GRID2: variants seen among roughly 807,000 people sequenced by gnomAD.
GRID2 encodes the protein glutamate ionotropic receptor delta type subunit 2, also known as glutamate receptor ionotropic, delta-2.
GRID2 carries 33 observed loss-of-function variants against 114.8 expected under a neutral mutation model. The observed-to-expected ratio is 0.29, with a 90% CI of 0.22 to 0.38. GRID2 has a LOEUF of 0.38. Among genes scored for constraint, GRID2 ranks in the 10% least tolerant of loss-of-function variants. The pLI is 1.00. For missense variants in GRID2, 1,184 were observed against 1,257.7 expected, an observed-to-expected ratio of 0.94 and a Z score of 0.89; for synonymous variants, 505 against 449.9, an observed-to-expected ratio of 1.12 and a Z score of -1.55.
At chr4:93,395,357 C>T (rs1479917506) in intron 8 of GRID2, among the ~76,000 whole-genome samples, 2 of 151,926 alleles carry the variant, frequency 1.3e-5, no homozygotes, top group Non-Finnish European at 2.9e-5. Context: ...CATAAGTCCT[C>T]ATTAAGTAAA....
intron 2 of GRID2, among the ~76,000 whole-genome samples, chr4:92,985,620 A>G (rs1754473482): frequency 6.6e-6 from 1 of 152,200 alleles, no homozygotes; most frequent in South Asian, 2.1e-4. Context: ...CATGACAAAA[A>G]AATGATTTAC....
chr4:93,522,850 T>A (rs542050680), intron 13 of GRID2, among the ~76,000 whole-genome samples: 1 of 152,154 alleles, frequency 6.6e-6, no homozygotes, highest in East Asian at 1.9e-4. Flanking sequence ...AAAGACAAAA[T>A]CTTTGGAGAA....
chr4:93,675,144 C>T (rs1368320096), intron 14 of GRID2, among the ~76,000 whole-genome samples: 1 of 152,066 alleles, frequency 6.6e-6, no homozygotes, highest in Non-Finnish European at 1.5e-5. Context: ...ATAACGTGAA[C>T]CTGTCATATA....
intron 2 of GRID2, among the ~76,000 whole-genome samples, chr4:93,011,785 A>G (rs1722198251): frequency 6.6e-6 from 1 of 152,096 alleles, no homozygotes; most frequent in East Asian, 1.9e-4. Flanking sequence ...GTTAATTATA[A>G]CTTCTGGAGC....
Position 93,002,855 on chromosome 4 carries a change from T to G in GRID2, c.245-82140T>G, listed in dbSNP as rs1377182703. Among the ~76,000 whole-genome samples the G allele has an allele frequency of 3.3e-5, 5 of 151,946 alleles. No individual in the cohort carries two copies. In the South Asian group the frequency reaches 8.3e-4, roughly 25 times the overall value. ...AACAGGGCTGGCTTCTTTTGGAGGC[T>G]GTAGGGGAGAATCCATTTCTTCATC... On this transcript the variant is annotated intron_variant, in intron 2 of 15. Transcript: ENST00000282020.
chr4:93,762,072 G>GT (rs1468707973), intron 14 of GRID2, among the ~76,000 whole-genome samples: 2 of 152,060 alleles, frequency 1.3e-5, no homozygotes, highest in African/African-American at 2.4e-5. Flanking sequence ...TTGAGCTAAA[G>GT]TTTTTTCTGA....
At chr4:93,006,145 T>A (rs577603679) in intron 2 of GRID2, among the ~76,000 whole-genome samples, 8 of 152,188 alleles carry the variant, frequency 5.3e-5, no homozygotes, top group African/African-American at 1.4e-4. Flanking sequence ...CCATGTAGAT[T>A]ATAAGCAGCA....
chr4:93,703,325 T>A (rs1003529685), intron 14 of GRID2, among the ~76,000 whole-genome samples: 13 of 152,118 alleles, frequency 8.5e-5, no homozygotes, highest in African/African-American at 3.1e-4. Context: ...GTTACAGGCA[T>A]CCAAAGTGTA....
At chr4:92,869,581 G>GA (rs1745128964) in intron 2 of GRID2, among the ~76,000 whole-genome samples, 1 of 152,042 alleles carries the variant, frequency 6.6e-6, no homozygotes, top group Non-Finnish European at 1.5e-5. Flanking sequence ...ATTAATGGGG[G>GA]AATGAATAAA....
At chr4:93,733,007 T>A (rs1291162052) in intron 14 of GRID2, among the ~76,000 whole-genome samples, 1 of 152,238 alleles carries the variant, frequency 6.6e-6, no homozygotes, top group East Asian at 1.9e-4. Flanking sequence ...ATGATACTGA[T>A]GGCTTAGCAG....
At chr4:93,566,844 C>T (rs1001871947) in intron 13 of GRID2, among the ~76,000 whole-genome samples, 30 of 151,750 alleles carry the variant, frequency 2.0e-4, no homozygotes, top group Non-Finnish European at 3.7e-4. Flanking sequence ...TTTATATATG[C>T]ATTATATATT....
At chr4:93,673,233 T>C (rs191888436) in intron 14 of GRID2, among the ~76,000 whole-genome samples, 2 of 152,310 alleles carry the variant, frequency 1.3e-5, no homozygotes, top group Non-Finnish European at 2.9e-5. Context: ...ACCCCTTTTA[T>C]TCTTCACTGC....
At chr4:93,009,843 C>T (rs911267051) in intron 2 of GRID2, among the ~76,000 whole-genome samples, 5 of 151,900 alleles carry the variant, frequency 3.3e-5, no homozygotes, top group Non-Finnish European at 7.4e-5. Flanking sequence ...AAGCCTTTAC[C>T]CCAATTCAAG....
intron 12 of GRID2, among the ~76,000 whole-genome samples, chr4:93,512,915 A>T (rs990822409): frequency 6.6e-6 from 1 of 152,208 alleles, no homozygotes; most frequent in African/African-American, 2.4e-5. Context: ...ATAGAAGGAT[A>T]AGAAGGAGCA....
intron 2 of GRID2, among the ~76,000 whole-genome samples, chr4:92,879,326 A>G (rs1321683636): frequency 6.6e-6 from 1 of 152,170 alleles, no homozygotes; most frequent in African/African-American, 2.4e-5. Flanking sequence ...ATAAAATGAC[A>G]CCCAAAATAG....
intron 14 of GRID2, among the ~76,000 whole-genome samples, chr4:93,697,740 T>C (rs926301335): frequency 1.0e-4 from 13 of 125,870 alleles, no homozygotes; most frequent in Non-Finnish European, 8.2e-5. Flanking sequence ...AAGGTGACTA[T>C]AGTTAATAAC....
intron 7 of GRID2, 47 bp downstream of exon 7, chr4:93,224,822 T>C (rs1214335222): frequency 7.4e-7 from 1 of 1,346,658 alleles, no homozygotes; most frequent in South Asian, 1.3e-5. Context: ...AATAATTATT[T>C]GACATATTTT....
At chr4:93,306,615 T>C (rs1462314737) in intron 8 of GRID2, among the ~76,000 whole-genome samples, 1 of 152,182 alleles carries the variant, frequency 6.6e-6, no homozygotes, top group Admixed American at 6.5e-5. Context: ...TTGTATACAC[T>C]TTGAAGTGTA....
intron 13 of GRID2, among the ~76,000 whole-genome samples, chr4:93,569,701 G>C (rs912035610): frequency 6.6e-6 from 1 of 152,046 alleles, no homozygotes; most frequent in African/African-American, 2.4e-5. Flanking sequence ...ACAAATCCTA[G>C]CTTTGCCCAT....
Sources: allele counts gnomAD v4.1 joint callset (sites outside exome capture counted in the v4.1 genomes callset), GRCh38; gene constraint gnomAD v4.1.1; transcripts MANE v1.5; gene names NCBI Gene and HGNC (gene_info 2026-07-23, HGNC 2026-07-21).